Variants in PHF24 observed in about 807,000 individuals in gnomAD.
PHF24 encodes the protein PHD finger protein 24.
PHF24 carries 25 observed loss-of-function variants against 42.6 expected under a neutral mutation model. The observed-to-expected ratio is 0.59, with a 90% CI of 0.43 to 0.82. The LOEUF (loss-of-function observed/expected upper bound fraction) is 0.82. Among genes scored for constraint, PHF24 ranks in the 40% least tolerant of loss-of-function variants. The pLI is 0.00. For missense variants in PHF24, 470 were observed against 538.1 expected (o/e 0.87, Z 1.25); for synonymous variants, 185 against 204.8 (o/e 0.90, Z 0.83).
chr9:34,768,576 T>C, the PHF24 span, among the ~76,000 whole-genome samples: 1 of 152,146 alleles, frequency 6.6e-6, no homozygotes, highest in Non-Finnish European at 1.5e-5. Flanking sequence ...TAGGATTAAA[T>C]GGGATGTTGT....
intron 1 of PHF24, among the ~76,000 whole-genome samples, chr9:34,967,359 G>C (rs903199958): frequency 1.3e-5 from 2 of 152,196 alleles, no homozygotes; most frequent in African/African-American, 4.8e-5. Flanking sequence ...ATATCAGGGA[G>C]CATCACATGT....
At chr9:34,756,555 C>A in the PHF24 span, among the ~76,000 whole-genome samples, 1 of 152,174 alleles carries the variant, frequency 6.6e-6, no homozygotes. Context: ...GTTCTCTAGT[C>A]TGTTCCATTG....
chr9:34,896,043 T>C, the PHF24 span, among the ~76,000 whole-genome samples: 1 of 152,200 alleles, frequency 6.6e-6, no homozygotes, highest in African/African-American at 2.4e-5. Flanking sequence ...TATACTGTTA[T>C]GGCTTAGCTC....
intron 3 of PHF24, among the ~76,000 whole-genome samples, chr9:34,974,847 C>G (rs1036065787): frequency 2.0e-5 from 3 of 152,192 alleles, no homozygotes; most frequent in Non-Finnish European, 2.9e-5. Context: ...CACTCCTTAT[C>G]TCTGTGAATA....
chr9:34,769,625 A>G, the PHF24 span, among the ~76,000 whole-genome samples: 10 of 152,228 alleles, frequency 6.6e-5, no homozygotes, highest in African/African-American at 2.4e-4. Context: ...CTTAAAAGAA[A>G]GAACTATGAT....
the PHF24 span, chr9:34,690,091 C>T: frequency 2.5e-6 from 4 of 1,590,826 alleles, no homozygotes; most frequent in Non-Finnish European, 3.4e-6. Flanking sequence ...GTCTGGGAAC[C>T]TGTTTCAGGG....
At chr9:34,946,505 A>C in the PHF24 span, among the ~76,000 whole-genome samples, 1 of 152,208 alleles carries the variant, frequency 6.6e-6, no homozygotes, top group African/African-American at 2.4e-5. Context: ...TTACAGGTTT[A>C]TAGGCACAAT....
chr9:34,838,302 A>G, the PHF24 span: 3 of 721,738 alleles, frequency 4.2e-6, no homozygotes, highest in South Asian at 1.5e-5. Context: ...TTAAAAGCAT[A>G]TTATCTGAGG....
chr9:34,823,426 G>C, the PHF24 span, among the ~76,000 whole-genome samples: 19 of 152,148 alleles, frequency 1.2e-4, no homozygotes, highest in South Asian at 6.2e-4. Context: ...CATCCAGGAG[G>C]CCATTTGTTA....
the PHF24 span, among the ~76,000 whole-genome samples, chr9:34,712,852 C>A: frequency 6.6e-6 from 1 of 152,172 alleles, no homozygotes; most frequent in Non-Finnish European, 1.5e-5. Flanking sequence ...AACCTCCCAT[C>A]ATCAATATTT....
chr9:34,823,111 G>C, the PHF24 span, among the ~76,000 whole-genome samples: 1 of 149,450 alleles, frequency 6.7e-6, no homozygotes. Context: ...CAGGAGAATG[G>C]CGTGAACCCG....
chr9:34,822,595 G>A, the PHF24 span, among the ~76,000 whole-genome samples: 1 of 152,186 alleles, frequency 6.6e-6, no homozygotes, highest in Admixed American at 6.5e-5. Flanking sequence ...GTGTGTATAT[G>A]TGGTAGGGTT....
chr9:34,917,622 G>A, the PHF24 span: 1 of 776,262 alleles, frequency 1.3e-6, no homozygotes, highest in East Asian at 2.4e-5. Context: ...CCCTTTGGTT[G>A]GCCTTCCAGT....
At chr9:34,837,400 G>T in the PHF24 span, 1 of 428,136 alleles carries the variant, frequency 2.3e-6, no homozygotes, top group Admixed American at 3.7e-5. Context: ...GACTTCCACA[G>T]GTTTTAAAAC....
the PHF24 span, among the ~76,000 whole-genome samples, chr9:34,838,085 G>T: frequency 7.5e-3 from 1,143 of 152,318 alleles, 21 homozygotes; most frequent in African/African-American, 0.026. Flanking sequence ...TTGAGATCCA[G>T]TGAGATAGAT....
chr9:34,669,628 AGT>A, the PHF24 span, among the ~76,000 whole-genome samples: 130 of 151,756 alleles, frequency 8.6e-4, 1 homozygote, highest in Middle Eastern at 3.4e-3. Context: ...AGGGTCCATG[AGT>A]GTGTGTGGAT....
the PHF24 span, among the ~76,000 whole-genome samples, chr9:34,855,946 A>G: frequency 6.6e-6 from 1 of 152,128 alleles, no homozygotes; most frequent in Admixed American, 6.5e-5. Context: ...ATAATCCCAT[A>G]TTTCTCAGAG....
the PHF24 span, among the ~76,000 whole-genome samples, chr9:34,780,701 TCA>T: frequency 2.0e-5 from 3 of 152,082 alleles, no homozygotes; most frequent in South Asian, 6.2e-4. Context: ...GGAGTGAAAA[TCA>T]TTTGACAAAA....
the PHF24 span, chr9:34,894,622 TCA>T: frequency 5.0e-5 from 20 of 397,394 alleles, no homozygotes; most frequent in Admixed American, 1.8e-4. Flanking sequence ...GAACACTAAG[TCA>T]CATCTGTGTA....
Sources: gnomAD v4.1 joint callset for allele counts (sites outside exome capture counted in the v4.1 genomes callset) on GRCh38, gnomAD v4.1.1 for gene constraint, MANE v1.5 for transcripts, NCBI Gene and HGNC (gene_info 2026-07-23, HGNC 2026-07-21) for gene names.